TEK: variants seen among roughly 807,000 people sequenced by gnomAD.
The protein encoded by TEK is angiopoietin-1 receptor.
A neutral mutation model predicts 131.8 loss-of-function variants in TEK; 43 were observed. The ratio of observed to expected loss-of-function variants is 0.33; its 90% CI spans 0.26 to 0.42. TEK has a LOEUF of 0.42. Among genes scored for constraint, TEK ranks in the 10% least tolerant of loss-of-function variants. The probability of loss-of-function intolerance (pLI) is 1.00; values close to 1 mark genes in which losing one functional copy is unlikely to be tolerated. For synonymous variants in TEK, 580 were observed against 491.6 expected (o/e 1.18, Z -2.38); for missense variants, 1,162 against 1,384.4 (o/e 0.84, Z 2.55).
intron 13 of TEK, 91 bp downstream of exon 13, chr9:27,203,210 A>G: frequency 6.9e-7 from 1 of 1,449,398 alleles, no homozygotes. Flanking sequence ...ATGAAAGCCT[A>G]TGAAAAGTCG....
intron 18 of TEK, among the ~76,000 whole-genome samples, chr9:27,217,403 C>T (rs550552158): frequency 6.6e-6 from 1 of 152,286 alleles, no homozygotes; most frequent in East Asian, 1.9e-4. Flanking sequence ...TTTCAAGCCT[C>T]GGAGTGCCTC....
chr9:27,127,744 T>C (rs1431835988), intron 1 of TEK, among the ~76,000 whole-genome samples: 1 of 152,242 alleles, frequency 6.6e-6, no homozygotes, highest in Non-Finnish European at 1.5e-5. Flanking sequence ...GATGAGCATT[T>C]TTTCATGTTT....
At position 27,208,142 on chromosome 9, in the gene TEK, A is replaced by G. The variant is rs142851852; in HGVS notation, c.2576-979A>G. Reference sequence around the variant, plus strand: ...GCAGTGCATCCAAAGAAGGGCAGTTACTGAAGTGGACAACCTCACTATAAA... The same window carrying G: ...GCAGTGCATCCAAAGAAGGGCAGTTGCTGAAGTGGACAACCTCACTATAAA... On this transcript the variant is annotated intron_variant, in intron 15 of 22. Transcript: ENST00000380036. Among the ~76,000 whole-genome samples the G allele has an allele frequency of 2.0e-3, 305 of 152,304 alleles. 3 individuals are homozygous for G. The highest frequency in any genetic ancestry group is 7.0e-3 in the African/African-American group (291 of 41,566).
At chr9:27,179,581 T>C (rs1824288417) in intron 6 of TEK, among the ~76,000 whole-genome samples, 1 of 152,224 alleles carries the variant, frequency 6.6e-6, no homozygotes, top group African/African-American at 2.4e-5. Flanking sequence ...TTGATTTTGT[T>C]TTGTTTTAGC....
chr9:27,212,808 A>T lies in TEK; in HGVS notation c.2788A>T (p.Asn930Tyr). ...LETDPAFAIANSTASTLSSQQ... is the reference protein window; with the variant it reads ...LETDPAFAIAYSTASTLSSQQ... The stretch of plus-strand genomic sequence containing the variant: ...GACGGACCCAGCATTTGCCATTGCC[A>T]ATAGCACCGCGTCCACACTGTCCTC... The change falls in exon 17 of 23, where the codon AAT (asparagine) becomes TAT (tyrosine). Residue 930 changes from asparagine (N) to tyrosine (Y), a missense_variant. Physicochemically the swap from Asn to Tyr is moderately radical, Grantham distance 143. Coordinates refer to ENST00000380036, the MANE Select transcript of TEK (RefSeq NM_000459.5). 1 of 1,614,122 alleles carries T rather than the reference A, an allele frequency of 6.2e-7. No homozygotes were observed. Among genetic ancestry groups the T allele is most frequent in the Non-Finnish European group, 8.5e-7 (1 of 1,180,004 alleles).
chr9:27,189,871 T>TAG (rs1404547218), intron 9 of TEK, among the ~76,000 whole-genome samples: 11 of 151,810 alleles, frequency 7.2e-5, no homozygotes, highest in Admixed American at 3.9e-4. Context: ...TATATATATA[T>TAG]AGAGAGAGAA....
chr9:27,147,024 C>A (rs374975313), intron 1 of TEK, among the ~76,000 whole-genome samples: 2 of 152,122 alleles, frequency 1.3e-5, no homozygotes, highest in African/African-American at 4.8e-5. Flanking sequence ...ACACTGCGCC[C>A]GGCCAACATT....
chr9:27,213,630 T>C, intron 18 of TEK, 33 bp downstream of exon 18: 2 of 1,517,928 alleles, frequency 1.3e-6, no homozygotes. Flanking sequence ...GATCGCATCC[T>C]TTCCGAGGTA....
chr9:27,205,988 C>T (rs1587012962), intron 14 of TEK, among the ~76,000 whole-genome samples: 1 of 152,114 alleles, frequency 6.6e-6, no homozygotes, highest in African/African-American at 2.4e-5. Context: ...TGTCAAAATA[C>T]CGGTGCTTTT....
chr9:27,227,462 C>A (rs1826384294), intron 21 of TEK, among the ~76,000 whole-genome samples: 1 of 152,172 alleles, frequency 6.6e-6, no homozygotes, highest in South Asian at 2.1e-4. Context: ...ATACCATAAA[C>A]ATGGTGGCTT....
intron 1 of TEK, among the ~76,000 whole-genome samples, chr9:27,133,848 C>T (rs929924199): frequency 2.0e-5 from 3 of 152,150 alleles, no homozygotes; most frequent in African/African-American, 4.8e-5. Context: ...AAAACGATGC[C>T]TCTGCTTAAA....
At chr9:27,139,928 C>T (rs187198296) in intron 1 of TEK, among the ~76,000 whole-genome samples, 3 of 152,202 alleles carry the variant, frequency 2.0e-5, no homozygotes, top group Non-Finnish European at 4.4e-5. Context: ...CTGCATGGGC[C>T]GCCTATGTTC....
At chr9:27,160,150 G>A (rs762481546) in intron 2 of TEK, among the ~76,000 whole-genome samples, 10 of 150,516 alleles carry the variant, frequency 6.6e-5, no homozygotes, top group African/African-American at 2.4e-4. Context: ...AGCCTCCCAA[G>A]TAGCTGGGAC....
chr9:27,228,025 G>A (rs545343850), intron 21 of TEK, among the ~76,000 whole-genome samples, 181 bp from the exon 22 acceptor site: 26 of 152,246 alleles, frequency 1.7e-4, no homozygotes, highest in Non-Finnish European at 3.1e-4. Context: ...AAATCTATGA[G>A]GAGTTGAAAT....
At position 27,229,310 on chromosome 9, in the gene TEK, C is replaced by T. The variant is rs1261751912; in HGVS notation, c.*78C>T. On this transcript the variant is annotated 3_prime_UTR_variant, in exon 23 of 23. Coordinates refer to ENST00000380036, the MANE Select transcript of TEK (RefSeq NM_000459.5). The stretch of plus-strand genomic sequence containing the variant: ...TGACACCTGCTGAGAAAACATGCCT[C>T]TGCCAAAGGATGTGATATATAAGTG... The T allele has an allele frequency of 7.3e-7, 1 of 1,377,102 alleles. No homozygotes were observed. Among genetic ancestry groups the T allele is most frequent in the African/African-American group, 1.4e-5 (1 of 70,186 alleles). The allele number at this position is 1,377,102 out of a possible 1,614,324, so 85.3% of individuals were successfully genotyped here. A position where few individuals can be genotyped will look rare whatever the true frequency, so the allele number is the denominator to read the frequency against.
At chr9:27,126,021 G>A (rs1429222519) in intron 1 of TEK, among the ~76,000 whole-genome samples, 1 of 152,218 alleles carries the variant, frequency 6.6e-6, no homozygotes, top group African/African-American at 2.4e-5. Context: ...TAGACATGCA[G>A]TAGATTGTTG....
At position 27,199,037 on chromosome 9, in the gene TEK, C is replaced by A. The variant is rs536385230; in HGVS notation, c.1909+1438C>A. Among the ~76,000 whole-genome samples, 4 of 152,282 alleles carry A rather than the reference C, an allele frequency of 2.6e-5. No homozygotes were observed. In the South Asian group the frequency reaches 8.3e-4, roughly 32 times the overall value. On this transcript the variant is annotated intron_variant, in intron 12 of 22. Coordinates refer to ENST00000380036, the MANE Select transcript of TEK (RefSeq NM_000459.5). Reference sequence around the variant, plus strand: ...CTGGTCTGGAACTCCTGGGCTCAAGCAATCCTCCCGCCTTCGCCTCCCAAA... The same window carrying A: ...CTGGTCTGGAACTCCTGGGCTCAAGAAATCCTCCCGCCTTCGCCTCCCAAA...
At chr9:27,128,585 G>A (rs946181650) in intron 1 of TEK, among the ~76,000 whole-genome samples, 5 of 152,102 alleles carry the variant, frequency 3.3e-5, no homozygotes, top group African/African-American at 7.2e-5. Context: ...CCATTTTCAC[G>A]ATACCGATTC....
At chr9:27,140,411 AAAAG>A (rs1455016514) in intron 1 of TEK, among the ~76,000 whole-genome samples, 1 of 151,328 alleles carries the variant, frequency 6.6e-6, no homozygotes, top group East Asian at 1.9e-4. Flanking sequence ...AAAAAAAAAA[AAAAG>A]AAACATTAAT....
Sources: gnomAD v4.1 joint callset for allele counts (sites outside exome capture counted in the v4.1 genomes callset) on GRCh38, gnomAD v4.1.1 for gene constraint, MANE v1.5 for transcripts, NCBI Gene and HGNC (gene_info 2026-07-23, HGNC 2026-07-21) for gene names.